CHST11: variants seen among roughly 807,000 people sequenced by gnomAD.
The protein encoded by CHST11 is C4S-1.
In CHST11, 9 loss-of-function variants were observed where a neutral mutation model predicts 30.4. The observed-to-expected ratio is 0.30, with a 90% CI of 0.18 to 0.52. CHST11 has a LOEUF of 0.52. Ranked by LOEUF, CHST11 falls within the 20% of genes least tolerant of loss-of-function variation. CHST11 has a pLI of 0.97. For missense variants in CHST11, 348 were observed against 460.6 expected (o/e 0.76, Z 2.24); for synonymous variants, 152 against 187.8 (o/e 0.81, Z 1.56).
intron 1 of CHST11, among the ~76,000 whole-genome samples, chr12:104,548,186 G>A (rs759987501): frequency 6.6e-5 from 10 of 152,220 alleles, no homozygotes; most frequent in Non-Finnish European, 1.5e-4. Context: ...CTAACCTAAT[G>A]CACGGTGGCA....
At chr12:104,679,668 A>T (rs1482314692) in intron 2 of CHST11, among the ~76,000 whole-genome samples, 1 of 152,162 alleles carries the variant, frequency 6.6e-6, no homozygotes, top group Non-Finnish European at 1.5e-5. Context: ...AGCTGCAGGG[A>T]CAGCCAGCAC....
rs7313830 is a variant in CHST11, at chr12:104,715,777, C to G, written c.205-41172C>G. 5.9e-3 allele frequency among the ~76,000 whole-genome samples: 898 copies of G among 152,240 alleles called. 10 individuals carry two copies. Among genetic ancestry groups the G allele is most frequent in the African/African-American group, 0.021 (858 of 41,544 alleles). On this transcript the variant is annotated intron_variant, in intron 2 of 2. Coordinates refer to ENST00000303694, the MANE Select transcript of CHST11 (RefSeq NM_018413.6). ...CAGGAAGCCTTGCCACCTTGCTGTC[C>G]CCACCCCTGGGGGATATCGCTCAGG...
intron 1 of CHST11, among the ~76,000 whole-genome samples, chr12:104,497,909 C>CTTTTTTTTT (rs1205174607): frequency 6.6e-5 from 5 of 75,676 alleles, no homozygotes; most frequent in Admixed American, 1.9e-4. Context: ...CCTGCCCCCT[C>CTTTTTTTTT]TTTTTTTTTT....
chr12:104,479,121 A>T lies in CHST11; in HGVS notation c.118+21592A>T, dbSNP rs190503227. On this transcript the variant is annotated intron_variant, in intron 1 of 2. Transcript: ENST00000303694. ...AACGTATTGGTAGAAATTGGATGCAACTCCTTCCTTTCCCAACCCAACTCA... is the reference window on the plus strand; with the variant it reads ...AACGTATTGGTAGAAATTGGATGCATCTCCTTCCTTTCCCAACCCAACTCA... 7.3e-3 allele frequency among the ~76,000 whole-genome samples: 1,097 copies of T among 150,682 alleles called. 16 individuals carry two copies. The highest frequency in any genetic ancestry group is 0.026 in the African/African-American group (1,046 of 40,954).
chr12:104,512,568 T>G (rs575283669), intron 1 of CHST11, among the ~76,000 whole-genome samples: 1 of 152,226 alleles, frequency 6.6e-6, no homozygotes, highest in South Asian at 2.1e-4. Flanking sequence ...ACAGTGCCCC[T>G]TTTATTTTAA....
chr12:104,510,760 T>A (rs1199356972), intron 1 of CHST11, among the ~76,000 whole-genome samples: 2 of 152,000 alleles, frequency 1.3e-5, no homozygotes, highest in East Asian at 3.8e-4. Context: ...TTCCTGGGAG[T>A]GTATTTATGA....
chr12:104,612,647 C>T (rs767768316), intron 2 of CHST11, among the ~76,000 whole-genome samples: 5 of 152,138 alleles, frequency 3.3e-5, no homozygotes, highest in Non-Finnish European at 4.4e-5. Flanking sequence ...CTAGATGCTA[C>T]GGCTTTTGAG....
chr12:104,691,338 G>T (rs1261653547), intron 2 of CHST11, among the ~76,000 whole-genome samples: 1 of 152,026 alleles, frequency 6.6e-6, no homozygotes, highest in South Asian at 2.1e-4. Context: ...TAAAGTGAGA[G>T]TTAGACTTCC....
intron 2 of CHST11, among the ~76,000 whole-genome samples, chr12:104,706,039 T>G (rs1465695261): frequency 6.6e-6 from 1 of 151,912 alleles, no homozygotes; most frequent in Non-Finnish European, 1.5e-5. Context: ...TGAGCTGTGA[T>G]TGCACCACTG....
chr12:104,755,027 G>A (rs990512222), intron 2 of CHST11, among the ~76,000 whole-genome samples: 4 of 152,204 alleles, frequency 2.6e-5, no homozygotes, highest in African/African-American at 9.7e-5. Flanking sequence ...GATGGACATG[G>A]AGCTTAATGC....
intron 2 of CHST11, among the ~76,000 whole-genome samples, chr12:104,680,907 C>A (rs988947451): frequency 6.6e-6 from 1 of 152,230 alleles, no homozygotes; most frequent in South Asian, 2.1e-4. Context: ...AGGTTTGAAT[C>A]TCAGTCTTGC....
chr12:104,733,834 C>T (rs1419507880), intron 2 of CHST11, among the ~76,000 whole-genome samples: 10 of 152,152 alleles, frequency 6.6e-5, no homozygotes, highest in Admixed American at 1.3e-4. Context: ...CTGCTTTTGA[C>T]GTTGTAAGGT....
Position 104,475,687 on chromosome 12 carries a change from TA to T in CHST11, c.118+18159del, listed in dbSNP as rs369112744. Among the ~76,000 whole-genome samples, 35 of 128,582 alleles carry T rather than the reference TA, an allele frequency of 2.7e-4. 1 individual carries two copies. Among genetic ancestry groups the T allele is most frequent in the Middle Eastern group, 3.9e-3 (1 of 258 alleles). The allele number at this position is 128,582 out of a possible 152,430, so 84.4% of individuals were successfully genotyped here. A position where few individuals can be genotyped will look rare whatever the true frequency, so the allele number is the denominator to read the frequency against. ...ATATATATATATATATATATATATA[TA>T]TATTTCTGATTATGAAATTAATTCA... On this transcript the variant is annotated intron_variant, in intron 1 of 2. Transcript: ENST00000303694.
chr12:104,567,051 G>A (rs1020551168), intron 1 of CHST11, among the ~76,000 whole-genome samples: 8 of 152,118 alleles, frequency 5.3e-5, no homozygotes, highest in East Asian at 1.9e-4. Context: ...AACACCTCCC[G>A]CCCAATACAT....
Position 104,749,590 on chromosome 12 carries a change from G to C in CHST11, c.205-7359G>C, listed in dbSNP as rs373537341. 3.9e-5 allele frequency among the ~76,000 whole-genome samples: 6 copies of C among 152,298 alleles called. No individual in the cohort carries two copies. The East Asian group carries it at 1.2e-3, about 29-fold the overall frequency. Reference sequence around the variant, plus strand: ...GATCAAACTTGGTTGGAAAATTTGGGCATTCTCTTTTACTATGAGGGAACG... The same window carrying C: ...GATCAAACTTGGTTGGAAAATTTGGCCATTCTCTTTTACTATGAGGGAACG... On this transcript the variant is annotated intron_variant, in intron 2 of 2. Transcript: ENST00000303694.
intron 1 of CHST11, among the ~76,000 whole-genome samples, chr12:104,460,088 C>T (rs1593944950): frequency 6.6e-6 from 1 of 152,294 alleles, no homozygotes; most frequent in Non-Finnish European, 1.5e-5. Flanking sequence ...ATCTCTTTCA[C>T]TGGTTTGAAT....
intron 1 of CHST11, among the ~76,000 whole-genome samples, chr12:104,528,943 G>A (rs997970812): frequency 2.6e-5 from 4 of 152,194 alleles, no homozygotes; most frequent in Admixed American, 2.0e-4. Context: ...ATAAAGAAAT[G>A]TAGAAATTCA....
chr12:104,535,464 A>G (rs886723592), intron 1 of CHST11, among the ~76,000 whole-genome samples: 1 of 152,162 alleles, frequency 6.6e-6, no homozygotes, highest in African/African-American at 2.4e-5. Flanking sequence ...CATCCCAATG[A>G]GGTTCTTAGA....
At chr12:104,683,180 T>C (rs2039814682) in intron 2 of CHST11, among the ~76,000 whole-genome samples, 2 of 152,086 alleles carry the variant, frequency 1.3e-5, no homozygotes, top group Admixed American at 6.5e-5. Context: ...GTTTGACACT[T>C]TCAGGCCCAG....
Sources: allele counts gnomAD v4.1 joint callset (sites outside exome capture counted in the v4.1 genomes callset), GRCh38; gene constraint gnomAD v4.1.1; transcripts MANE v1.5; gene names NCBI Gene and HGNC (gene_info 2026-07-23, HGNC 2026-07-21).